The following SSH2 variants were observed in gnomAD, a reference collection of about 807,000 sequenced individuals.
The protein encoded by SSH2 is slingshot protein phosphatase 2, also known as protein phosphatase Slingshot homolog 2.
SSH2 carries 37 observed loss-of-function variants against 135.2 expected under a neutral mutation model. The ratio of observed to expected loss-of-function variants is 0.27; its 90% confidence interval spans 0.21 to 0.36. SSH2 has a LOEUF of 0.36. Ranked by LOEUF, SSH2 falls within the 10% of genes least tolerant of loss-of-function variation. The probability of loss-of-function intolerance (pLI) is 1.00; values close to 1 mark genes in which losing one functional copy is unlikely to be tolerated. For missense variants in SSH2, 1,408 were observed against 1,765.3 expected, an observed-to-expected ratio of 0.80 and a Z score of 3.63; for synonymous variants, 628 against 646.2, an observed-to-expected ratio of 0.97 and a Z score of 0.43.
At chr17:29,764,850 G>C (rs2041407461) in intron 3 of SSH2, among the ~76,000 whole-genome samples, 1 of 152,118 alleles carries the variant, frequency 6.6e-6, no homozygotes, top group Non-Finnish European at 1.5e-5. Context: ...ATCCCTTATG[G>C]TATAATCACT....
At chr17:29,807,306 A>G (rs2042362695) in intron 2 of SSH2, among the ~76,000 whole-genome samples, 1 of 152,214 alleles carries the variant, frequency 6.6e-6, no homozygotes, top group African/African-American at 2.4e-5. Context: ...TACTGCTAAG[A>G]CAGTTTTCAT....
At chr17:29,738,560 A>ATT (rs1023481182) in intron 3 of SSH2, among the ~76,000 whole-genome samples, 13 of 144,602 alleles carry the variant, frequency 9.0e-5, no homozygotes, top group South Asian at 8.6e-4. Context: ...ATTTTATTTT[A>ATT]TTTTTTTTTT....
At chr17:29,751,001 C>T (rs2040922623) in intron 3 of SSH2, among the ~76,000 whole-genome samples, 3 of 152,238 alleles carry the variant, frequency 2.0e-5, no homozygotes, top group South Asian at 2.1e-4. Context: ...ACTGGAAGGT[C>T]TTCAAGGGCA....
At chr17:29,810,546 T>A (rs2042423319) in intron 2 of SSH2, among the ~76,000 whole-genome samples, 1 of 152,242 alleles carries the variant, frequency 6.6e-6, no homozygotes, top group East Asian at 1.9e-4. Flanking sequence ...CTATCTAACT[T>A]AATTTTCTCC....
intron 12 of SSH2, among the ~76,000 whole-genome samples, chr17:29,652,890 T>C (rs2151004789): frequency 6.6e-6 from 1 of 152,300 alleles, no homozygotes; most frequent in Admixed American, 6.5e-5. Context: ...ACTCCTGACC[T>C]TGTGGTCTGC....
intron 3 of SSH2, among the ~76,000 whole-genome samples, chr17:29,763,251 A>G (rs8064592): frequency 0.015 from 2,238 of 152,284 alleles, 56 homozygotes; most frequent in African/African-American, 0.05. Flanking sequence ...TGGTAATAGG[A>G]AAGCACCAGG....
rs767124327 is a variant in SSH2, at chr17:29,631,547, A to G, written c.3647T>C (p.Ile1216Thr). The G allele has an allele frequency of 9.9e-6, 16 of 1,614,014 alleles. No individual in the cohort carries two copies. The African/African-American group carries it at 2.1e-4, about 22-fold the overall frequency. The change falls in exon 16 of 16, where the codon ATT becomes ACT. Residue 1216 changes from isoleucine to threonine, a missense_variant. Physicochemically the swap from Ile to Thr is moderately conservative, Grantham distance 89. This residue lies in a region of SSH2 where 1,080 missense variants were observed against 1,144.5 expected (regional missense o/e 0.94). Transcript: ENST00000540801. ...SQLSSADLSL[I>T]SKLGDNTGEL... ...CCCAGTGTTGTCACCAAGTTTGCTA[A>G]TTAAACTTAGGTCTGCGCTACTTAG...
chr17:29,696,625 A>G (rs528090750), intron 4 of SSH2, among the ~76,000 whole-genome samples: 104 of 45,740 alleles, frequency 2.3e-3, no homozygotes, highest in Middle Eastern at 0.016. Context: ...ATATATATAC[A>G]CACACACACA....
chr17:29,750,272 T>C (rs2040887406), intron 3 of SSH2, among the ~76,000 whole-genome samples: 1 of 150,840 alleles, frequency 6.6e-6, no homozygotes, highest in South Asian at 2.1e-4. Context: ...ACCCCATCTC[T>C]ACCACAAAAT....
intron 3 of SSH2, among the ~76,000 whole-genome samples, chr17:29,745,118 T>C (rs1402054896): frequency 6.6e-6 from 1 of 152,064 alleles, no homozygotes; most frequent in African/African-American, 2.4e-5. Flanking sequence ...GCTCTGCCCA[T>C]ATGATATACC....
Position 29,632,690 on chromosome 17 carries a change from T to G in SSH2, c.2504A>C (p.Asp835Ala), listed in dbSNP as rs761346798. Residue 835 changes from aspartate (D) to alanine (A), a missense_variant, in exon 16 of 16, where the codon GAC (aspartate) becomes GCC (alanine). Asp to Ala is a moderately radical substitution (Grantham distance 126, BLOSUM62 -2). Around this residue, in one of 3 missense-constraint regions of SSH2, gnomAD observed 1,080 missense variants for 1,144.5 expected, o/e 0.94. Coordinates refer to ENST00000540801, the MANE Select transcript of SSH2 (RefSeq NM_001282129.2). Reference protein sequence around the residue: ...NKPGHMEQDEDSCTAQPELAK... With the variant: ...NKPGHMEQDEASCTAQPELAK... ...TAGTTCAGGCTGGGCTGTGCAGGAG[T>G]CCTCATCTTGCTCCATATGTCCAGG... 3.7e-6 allele frequency: 6 copies of G among 1,613,932 alleles called. No individual in the cohort carries two copies. The East Asian group carries it at 1.3e-4, about 36-fold the overall frequency.
At chr17:29,837,878 C>T (rs1244326758) in intron 2 of SSH2, among the ~76,000 whole-genome samples, 1 of 152,238 alleles carries the variant, frequency 6.6e-6, no homozygotes, top group South Asian at 2.1e-4. Context: ...AGAAGCCCTG[C>T]CCCTTGCAAG....
chr17:29,856,038 C>CATA, intron 1 of SSH2: 1 of 386,004 alleles, frequency 2.6e-6, no homozygotes, highest in Admixed American at 3.2e-5. Context: ...GAGGTCTGTG[C>CATA]ATACTCCTTT....
At chr17:29,733,710 T>G (rs577431993) in intron 3 of SSH2, among the ~76,000 whole-genome samples, 1 of 152,218 alleles carries the variant, frequency 6.6e-6, no homozygotes, top group Non-Finnish European at 1.5e-5. Flanking sequence ...AAAAGTTGTA[T>G]AAATAGTTCA....
Position 29,631,616 on chromosome 17 carries a change from C to T in SSH2, c.3578G>A (p.Ser1193Asn), listed in dbSNP as rs976444495. The T allele has an allele frequency of 1.2e-6, 2 of 1,614,068 alleles. No individual in the cohort carries two copies. Among genetic ancestry groups the T allele is most frequent in the Non-Finnish European group, 8.5e-7 (1 of 1,180,046 alleles). ...EQVSWEESQESPLSSGSEVPY... is the reference protein window; with the variant it reads ...EQVSWEESQENPLSSGSEVPY... ...CACCTCACTGCCACTGGAGAGAGGG[C>T]TCTCCTGACTTTCTTCCCAGCTAAC... The change falls in exon 16 of 16, where the codon AGC (serine) becomes AAC (asparagine). Residue 1193 changes from serine to asparagine, a missense_variant. Around this residue, in one of 3 missense-constraint regions of SSH2, gnomAD observed 1,080 missense variants for 1,144.5 expected, o/e 0.94. Transcript: ENST00000540801.
At chr17:29,783,213 A>G (rs1326756107) in intron 3 of SSH2, among the ~76,000 whole-genome samples, 2 of 150,524 alleles carry the variant, frequency 1.3e-5, no homozygotes, top group South Asian at 4.2e-4. Context: ...AGAAATGGAA[A>G]AACCTTATTT....
intron 3 of SSH2, among the ~76,000 whole-genome samples, chr17:29,755,859 C>T (rs2041100467): frequency 6.6e-6 from 1 of 150,610 alleles, no homozygotes. Flanking sequence ...GACGGGGTTT[C>T]ATCGTGTTAG....
At chr17:29,696,147 ATAT>A (rs945730422) in intron 4 of SSH2, among the ~76,000 whole-genome samples, 58 of 148,318 alleles carry the variant, frequency 3.9e-4, no homozygotes, top group African/African-American at 1.4e-3. Flanking sequence ...GTAGTGACTG[ATAT>A]TATAATGAGA....
intron 3 of SSH2, among the ~76,000 whole-genome samples, chr17:29,792,037 C>T (rs2042076856): frequency 6.6e-6 from 1 of 151,484 alleles, no homozygotes. Flanking sequence ...ATTTTTCTGC[C>T]TCAGCCTCCT....
Sources: allele counts gnomAD v4.1 joint callset (sites outside exome capture counted in the v4.1 genomes callset), GRCh38; gene constraint gnomAD v4.1.1; regional missense constraint gnomAD v4.1.1; transcripts MANE v1.5; gene names NCBI Gene and HGNC (gene_info 2026-07-23, HGNC 2026-07-21).